The following ATP1B2 variants were observed in gnomAD, a reference collection of about 807,000 sequenced individuals.
The protein encoded by ATP1B2 is ATPase Na+/K+ transporting subunit beta 2, also known as sodium/potassium-transporting ATPase subunit beta-2.
Under a neutral mutation model 37.3 loss-of-function variants are expected in ATP1B2, and 12 were observed. The ratio of observed to expected loss-of-function variants is 0.32; its 90% confidence interval spans 0.21 to 0.52. The LOEUF is 0.52. ATP1B2 is among the 20% of genes least tolerant of loss of function. The pLI is 0.96. For synonymous variants in ATP1B2, 139 were observed against 140.5 expected (o/e 0.99, Z 0.07); for missense variants, 324 against 391.6 (o/e 0.83, Z 1.46).
rs2072659491 is a variant in ATP1B2 at position 7,657,060 on chromosome 17, C to T, written c.*1165C>T. On this transcript the variant is annotated 3_prime_UTR_variant, in exon 7 of 7. Coordinates refer to ENST00000250111, the MANE Select transcript of ATP1B2 (RefSeq NM_001678.5). ...GGGGTTGACCTAGGCTGAATATCCA[C>T]TTTGTTTTTATGGATGGCTCCCTTC... 1 of 152,142 alleles carries T rather than the reference C, an allele frequency of 6.6e-6. No homozygotes were observed. Among genetic ancestry groups the T allele is most frequent in the Non-Finnish European group, 1.5e-5 (1 of 68,042 alleles). 9.4% of individuals were successfully genotyped at this position (152,142 alleles called of 1,614,324 possible). A position where few individuals can be genotyped will look rare whatever the true frequency, so the allele number is the denominator to read the frequency against.
upstream of ATP1B2, among the ~76,000 whole-genome samples, chr17:7,650,333 C>G (rs2150976792): frequency 6.6e-6 from 1 of 152,220 alleles, no homozygotes; most frequent in Admixed American, 6.5e-5. Flanking sequence ...TGGACAGAGC[C>G]AGGTGGTGTG....
At chr17:7,647,521 AAAAAAG>A (rs1488802417), upstream of ATP1B2, among the ~76,000 whole-genome samples, 1 of 152,060 alleles carries the variant, frequency 6.6e-6, no homozygotes, top group East Asian at 1.9e-4. Flanking sequence ...CCCCATCTCT[AAAAAAG>A]AAAGAGAAAG....
rs764639219 is a variant in ATP1B2, at chr17:7,654,843, C to T, written c.609+159C>T. The T allele has an allele frequency of 1.3e-6, 1 of 781,102 alleles. No individual in the cohort carries two copies. Among genetic ancestry groups the T allele is most frequent in the South Asian group, 1.7e-5 (1 of 58,542 alleles). 48.4% of individuals were successfully genotyped at this position (781,102 alleles called of 1,614,324 possible). A position where few individuals can be genotyped will look rare whatever the true frequency, so the allele number is the denominator to read the frequency against. ...GGTAAGAGTGGGCTTTTGGGCTCCA[C>T]TGTAGCTTGAACTCCGAGGGCCCCG... On this transcript the variant is annotated intron_variant, in intron 5 of 6. Coordinates refer to ENST00000250111, the MANE Select transcript of ATP1B2 (RefSeq NM_001678.5). The surrounding 1 kb of genome is among the most constrained non-coding windows in gnomAD (Gnocchi z 4.9).
chr17:7,651,566 G>T lies in ATP1B2; in HGVS notation c.48G>T (p.Glu16Asp). The stretch of plus-strand genomic sequence containing the variant: ...AGAGCTGCGGGCAGGTGGTTGAGGA[G>T]TGGAAGGAGTTCGTGTGGAACCCGA... ...EKKSCGQVVE[E>D]WKEFVWNPRT... The change falls in exon 1 of 7, where the codon GAG (glutamate) becomes GAT (aspartate). Residue 16 changes from glutamate (E) to aspartate (D), a missense_variant. By Grantham distance (45) the Glu-to-Asp change is conservative. Coordinates refer to ENST00000250111, the MANE Select transcript of ATP1B2 (RefSeq NM_001678.5). 6.2e-7 allele frequency: 1 copy of T among 1,608,532 alleles called. No individual in the cohort carries two copies. Among genetic ancestry groups the T allele is most frequent in the Non-Finnish European group, 8.5e-7 (1 of 1,177,570 alleles).
In ATP1B2 at chr17:7,651,373, A is replaced by C; in HGVS notation, c.-146A>C. On this transcript the variant is annotated 5_prime_UTR_variant, in exon 1 of 7. Coordinates refer to ENST00000250111, the MANE Select transcript of ATP1B2 (RefSeq NM_001678.5). Reference sequence around the variant, plus strand: ...CGTGGTCGTGCACCCCGGAATCTGCAGCAGCTGCATATCTGAGGGGGGTCT... The same window carrying C: ...CGTGGTCGTGCACCCCGGAATCTGCCGCAGCTGCATATCTGAGGGGGGTCT... 1 of 679,362 alleles carries C rather than the reference A, an allele frequency of 1.5e-6. No individual in the cohort carries two copies. Among genetic ancestry groups the C allele is most frequent in the African/African-American group, 1.8e-5 (1 of 55,306 alleles). The allele number at this position is 679,362 out of a possible 1,614,324, so 42.1% of individuals were successfully genotyped here. A position where few individuals can be genotyped will look rare whatever the true frequency, so the allele number is the denominator to read the frequency against.
In ATP1B2 at chr17:7,654,953, C is replaced by G; in HGVS notation, c.609+269C>G. 1 of 485,574 alleles carries G rather than the reference C, an allele frequency of 2.1e-6. No individual in the cohort carries two copies. The highest frequency in any genetic ancestry group is 3.7e-6 in the Non-Finnish European group (1 of 268,432). The allele number at this position is 485,574 out of a possible 1,614,324, so 30.1% of individuals were successfully genotyped here. ...CCCTCCTCCACCAACGCCCTGGCCT[C>G]TGGCTTCTCTCCCTAACGCTTCCAC... is the stretch of plus-strand genomic sequence containing the variant. On this transcript the variant is annotated intron_variant, in intron 5 of 6. Transcript: ENST00000250111. This position sits in a 1 kb window ranked among gnomAD's most constrained non-coding sequence, Gnocchi z 4.9.
At chr17:7,647,464 C>T (rs2072581908), upstream of ATP1B2, among the ~76,000 whole-genome samples, 1 of 152,106 alleles carries the variant, frequency 6.6e-6, no homozygotes, top group Non-Finnish European at 1.5e-5. Context: ...GAGTTTGAGA[C>T]CAGCCTCGTC....
upstream of ATP1B2, among the ~76,000 whole-genome samples, chr17:7,647,099 C>CAAA (rs34937578): frequency 2.6e-5 from 2 of 78,286 alleles, no homozygotes; most frequent in African/African-American, 9.4e-5. Context: ...GAGACTATCT[C>CAAA]AAAAAAAAAA....
At chr17:7,653,616 G>T in intron 2 of ATP1B2, 114 bp downstream of exon 2, 1 of 1,482,300 alleles carries the variant, frequency 6.7e-7, no homozygotes, top group Non-Finnish European at 9.0e-7. Flanking sequence ...CAATCCCCAC[G>T]TGCTTGGAAG....
chr17:7,649,766 T>A (rs1463689610), upstream of ATP1B2, among the ~76,000 whole-genome samples: 1 of 151,842 alleles, frequency 6.6e-6, no homozygotes, highest in Admixed American at 6.6e-5. Context: ...CACTGTGTTA[T>A]CCAGGATGGT....
At chr17:7,651,890 G>T (rs866074424) in intron 1 of ATP1B2, among the ~76,000 whole-genome samples, 96 of 7,196 alleles carry the variant, frequency 0.013, no homozygotes, top group African/African-American at 0.062. Flanking sequence ...CTCCGCCTGC[G>T]TGTCCGCGCC....
chr17:7,650,596 C>G (rs1217269063), upstream of ATP1B2, among the ~76,000 whole-genome samples: 1 of 152,174 alleles, frequency 6.6e-6, no homozygotes, highest in African/African-American at 2.4e-5. Flanking sequence ...CTTTCTAACT[C>G]CCTGCCTGGG....
chr17:7,655,169 A>C lies in ATP1B2; in HGVS notation c.610-358A>C. 5.7e-6 allele frequency: 2 copies of C among 348,900 alleles called. No homozygotes were observed. Among genetic ancestry groups the C allele is most frequent in the South Asian group, 3.7e-5 (1 of 26,978 alleles). The allele number at this position is 348,900 out of a possible 1,614,324, so 21.6% of individuals were successfully genotyped here. A position where few individuals can be genotyped will look rare whatever the true frequency, so the allele number is the denominator to read the frequency against. The stretch of plus-strand genomic sequence containing the variant: ...TTTCTAGAAACTGGCTGCTCCCTCC[A>C]CATCCCCTTCCTTGCTTCCTATTCA... On this transcript the variant is annotated intron_variant, in intron 5 of 6. Coordinates refer to ENST00000250111, the MANE Select transcript of ATP1B2 (RefSeq NM_001678.5). The surrounding 1 kb of genome is among the most constrained non-coding windows in gnomAD (Gnocchi z 4.4).
At position 7,651,354 on chromosome 17, in the gene ATP1B2, C is replaced by T; in HGVS notation, c.-165C>T. 1.6e-6 allele frequency: 1 copy of T among 641,256 alleles called. No homozygotes were observed. Among genetic ancestry groups the T allele is most frequent in the Non-Finnish European group, 2.7e-6 (1 of 364,884 alleles). The allele number at this position is 641,256 out of a possible 1,614,324, so 39.7% of individuals were successfully genotyped here. A position where few individuals can be genotyped will look rare whatever the true frequency, so the allele number is the denominator to read the frequency against. ...CTGCCAGCACCCCGCAGCGCGTGGT[C>T]GTGCACCCCGGAATCTGCAGCAGCT... On this transcript the variant is annotated 5_prime_UTR_variant, in exon 1 of 7. Transcript: ENST00000250111.
intron 1 of ATP1B2, among the ~76,000 whole-genome samples, chr17:7,652,072 G>C (rs1302999910): frequency 1.3e-5 from 2 of 152,076 alleles, no homozygotes; most frequent in Non-Finnish European, 2.9e-5. Context: ...GTCTTGGGGG[G>C]TGTGTTAGGG....
chr17:7,655,835 C>CGAT lies in ATP1B2; in HGVS notation c.816_818dup (p.Asp272dup). The CGAT allele has an allele frequency of 6.2e-7, 1 of 1,614,140 alleles. No homozygotes were observed. The highest frequency in any genetic ancestry group is 8.5e-7 in the Non-Finnish European group (1 of 1,180,028). ...TCAACGCCGCCAACATCGCCACAGA[C>CGAT]GATGAGCGAGACAAGTTCGCCGGCC... On this transcript the variant is annotated inframe_insertion, in exon 7 of 7. Coordinates refer to ENST00000250111, the MANE Select transcript of ATP1B2 (RefSeq NM_001678.5). The surrounding 1 kb of genome is among the most constrained non-coding windows in gnomAD (Gnocchi z 4.4).
upstream of ATP1B2, among the ~76,000 whole-genome samples, chr17:7,648,853 G>A (rs575623237): frequency 8.6e-4 from 131 of 152,088 alleles, no homozygotes; most frequent in Non-Finnish European, 1.4e-3. Flanking sequence ...AGGGTACTCC[G>A]CAATCCACAC....
chr17:7,652,542 A>C (rs1331471605), intron 1 of ATP1B2, among the ~76,000 whole-genome samples: 1 of 152,194 alleles, frequency 6.6e-6, no homozygotes, highest in Non-Finnish European at 1.5e-5. Flanking sequence ...GGTCCCATGC[A>C]ATCCATTCCC....
At position 7,656,062 on chromosome 17, in the gene ATP1B2, T is replaced by C; in HGVS notation, c.*167T>C. On this transcript the variant is annotated 3_prime_UTR_variant, in exon 7 of 7. Coordinates refer to ENST00000250111, the MANE Select transcript of ATP1B2 (RefSeq NM_001678.5). ...ACTTCTCAACCCAGCCTGAAGTCCATTGCGGTTCCGTCACTCGCCTTTCCC... is the reference window on the plus strand; with the variant it reads ...ACTTCTCAACCCAGCCTGAAGTCCACTGCGGTTCCGTCACTCGCCTTTCCC... 2 of 933,866 alleles carry C rather than the reference T, an allele frequency of 2.1e-6. No homozygotes were observed. Among genetic ancestry groups the C allele is most frequent in the Non-Finnish European group, 3.1e-6 (2 of 638,904 alleles). The allele number at this position is 933,866 out of a possible 1,614,324, so 57.8% of individuals were successfully genotyped here.
Sources: allele counts gnomAD v4.1 joint callset (sites outside exome capture counted in the v4.1 genomes callset), GRCh38; gene constraint gnomAD v4.1.1; non-coding constraint Gnocchi (gnomAD v3.1); transcripts MANE v1.5; gene names NCBI Gene and HGNC (gene_info 2026-07-23, HGNC 2026-07-21).